Variants in SAMD4A observed in about 807,000 individuals in gnomAD.
SAMD4A encodes the protein sterile alpha motif domain containing 4A.
Under a neutral mutation model 81.3 loss-of-function variants are expected in SAMD4A, and 33 were observed. That is an observed-to-expected ratio of 0.41 (90% CI 0.31 to 0.54). The LOEUF is 0.54. Ranked by LOEUF, SAMD4A falls within the 20% of genes least tolerant of loss-of-function variation. The probability of loss-of-function intolerance (pLI) is 0.37; values close to 1 mark genes in which losing one functional copy is unlikely to be tolerated. For synonymous variants in SAMD4A, 389 were observed against 382.1 expected (o/e 1.02, Z -0.21); for missense variants, 854 against 951.1 (o/e 0.90, Z 1.34).
At chr14:54,769,175 T>G (rs2038637395) in intron 8 of SAMD4A, among the ~76,000 whole-genome samples, 1 of 152,196 alleles carries the variant, frequency 6.6e-6, no homozygotes, top group South Asian at 2.1e-4. Flanking sequence ...GAACACCTCA[T>G]GTTCATGCTC....
chr14:54,656,551 C>G (rs901573541), intron 2 of SAMD4A, among the ~76,000 whole-genome samples: 2 of 151,776 alleles, frequency 1.3e-5, no homozygotes, highest in Non-Finnish European at 2.9e-5. Flanking sequence ...TGCCGAGATA[C>G]TTACACAGTT....
intron 3 of SAMD4A, chr14:54,734,947 C>T (rs1324346972): frequency 6.6e-6 from 1 of 152,224 alleles, no homozygotes; most frequent in Non-Finnish European, 1.5e-5. Flanking sequence ...CAGACTGACT[C>T]TAATCCTGGC....
intron 4 of SAMD4A, among the ~76,000 whole-genome samples, chr14:54,739,059 T>TTC (rs1555349364): frequency 7.0e-6 from 1 of 143,668 alleles, no homozygotes; most frequent in Non-Finnish European, 1.5e-5. Flanking sequence ...CCTTTTCTTT[T>TTC]TTTTTTTTTT....
Position 54,715,131 on chromosome 14 carries a change from A to G in SAMD4A, c.715+12551A>G, listed in dbSNP as rs916921641. ...ACAGAATAGGATTTAATAGGAACAA[A>G]TGAGGCTCTGTACACACATTCAGGC... On this transcript the variant is annotated intron_variant, in intron 3 of 12. Transcript: ENST00000554335. 4.6e-5 allele frequency among the ~76,000 whole-genome samples: 7 copies of G among 152,318 alleles called. No homozygotes were observed. In the South Asian group the frequency reaches 8.3e-4, roughly 18 times the overall value.
At chr14:54,706,225 G>A (rs1276659477) in intron 3 of SAMD4A, among the ~76,000 whole-genome samples, 2 of 149,358 alleles carry the variant, frequency 1.3e-5, no homozygotes, top group Non-Finnish European at 3.0e-5. Flanking sequence ...TGGCTGAAGT[G>A]AGCTGTGATC....
At chr14:54,565,895 T>G (rs1350493570), upstream of SAMD4A, among the ~76,000 whole-genome samples, 1 of 150,958 alleles carries the variant, frequency 6.6e-6, no homozygotes, top group Non-Finnish European at 1.5e-5. The surrounding 1 kb of genome is among the most constrained non-coding windows in gnomAD (Gnocchi z 5.4). Context: ...CACCAGCTCC[T>G]CCCACTCCGC....
intron 5 of SAMD4A, 145 bp from the exon 6 acceptor site, chr14:54,751,306 T>C (rs1048823784): frequency 1.7e-6 from 1 of 603,204 alleles, no homozygotes; most frequent in Non-Finnish European, 2.9e-6. Flanking sequence ...TGATGGGTAC[T>C]AATGCAAGAG....
chr14:54,724,024 G>GGAAGGAA (rs2037344744), intron 3 of SAMD4A, among the ~76,000 whole-genome samples: 1 of 97,176 alleles, frequency 1.0e-5, no homozygotes, highest in Non-Finnish European at 2.5e-5. Context: ...AAGGAAGGAA[G>GGAAGGAA]GAAGGAAGGA....
intron 2 of SAMD4A, among the ~76,000 whole-genome samples, chr14:54,655,163 T>A (rs940453934): frequency 1.3e-5 from 2 of 152,162 alleles, no homozygotes; most frequent in African/African-American, 4.8e-5. Flanking sequence ...AACAAAAATA[T>A]CAGCTCATTA....
rs745461530 is a variant in SAMD4A at position 54,775,063 on chromosome 14, C to T, written c.1845C>T (p.Gly615=). 1.9e-6 allele frequency: 3 copies of T among 1,614,200 alleles called. No individual in the cohort carries two copies. In the Admixed American group the frequency reaches 5.0e-5, roughly 27 times the overall value. The change falls in exon 10 of 13, where the codon GGC becomes GGT. Residue 615 remains glycine (G), a synonymous_variant. Transcript: ENST00000554335. ...CTTCCGCCCGCCTGGGCCTCTTGGG[C>T]ACCAGTGGATTCGTCAGCTCCAACC... is the stretch of plus-strand genomic sequence containing the variant. ...NVPSARLGLL[G]TSGFVSSNQR...
intron 12 of SAMD4A, 67 bp downstream of exon 12, chr14:54,784,687 G>A (rs975344302): frequency 1.1e-5 from 16 of 1,401,144 alleles, no homozygotes; most frequent in Admixed American, 1.7e-5. Context: ...CTGGCCATCT[G>A]CTGTCTATAC....
chr14:54,742,435 G>A (rs2037867893), intron 4 of SAMD4A, among the ~76,000 whole-genome samples: 1 of 152,178 alleles, frequency 6.6e-6, no homozygotes, highest in African/African-American at 2.4e-5. Flanking sequence ...AGTGCACCAT[G>A]CTCTTGGCTG....
intron 2 of SAMD4A, among the ~76,000 whole-genome samples, chr14:54,670,658 C>A (rs1191246010): frequency 6.6e-6 from 1 of 152,178 alleles, no homozygotes; most frequent in Non-Finnish European, 1.5e-5. Context: ...GTGCCTAGCA[C>A]GTGGTATGTG....
chr14:54,770,278 C>G, intron 9 of SAMD4A, 56 bp downstream of exon 9: 3 of 1,202,978 alleles, frequency 2.5e-6, no homozygotes, highest in Non-Finnish European at 3.7e-6. Context: ...CGCCTTGTTG[C>G]CTACCTCGGT....
chr14:54,585,393 T>A (rs570758851), intron 2 of SAMD4A, among the ~76,000 whole-genome samples: 1 of 152,312 alleles, frequency 6.6e-6, no homozygotes, highest in South Asian at 2.1e-4. Context: ...TCTTTAAAAA[T>A]TAGCATATGT....
chr14:54,725,608 CTTTTGAGATGATTTTT>C (rs2037394714), intron 3 of SAMD4A, among the ~76,000 whole-genome samples: 21 of 152,186 alleles, frequency 1.4e-4, no homozygotes. Context: ...TTAGCTAGTA[CTTTTGAGATGATTTTT>C]CCATTAGCAG....
intron 7 of SAMD4A, among the ~76,000 whole-genome samples, chr14:54,762,918 G>C (rs1450805479): frequency 6.6e-6 from 1 of 150,404 alleles, no homozygotes; most frequent in Admixed American, 6.6e-5. Flanking sequence ...GCAGTGGCGC[G>C]ATCTAGGCTT....
intron 2 of SAMD4A, among the ~76,000 whole-genome samples, chr14:54,643,691 A>G (rs1035989885): frequency 3.9e-5 from 6 of 152,176 alleles, no homozygotes; most frequent in African/African-American, 1.4e-4. Context: ...AAAGTATTCT[A>G]GGTATGTTTA....
intron 2 of SAMD4A, among the ~76,000 whole-genome samples, 186 bp downstream of exon 2, chr14:54,568,298 T>TA (rs1298207284): frequency 6.8e-6 from 1 of 145,992 alleles, no homozygotes; most frequent in Admixed American, 6.7e-5. Flanking sequence ...CCCACCTACT[T>TA]ACCTCCGCCG....
Sources: gnomAD v4.1 joint callset for allele counts (sites outside exome capture counted in the v4.1 genomes callset) on GRCh38, gnomAD v4.1.1 for gene constraint, Gnocchi (gnomAD v3.1) non-coding constraint, MANE v1.5 for transcripts, NCBI Gene and HGNC (gene_info 2026-07-23, HGNC 2026-07-21) for gene names.